The following CEP85L variants were observed in gnomAD, a reference collection of about 807,000 sequenced individuals.
CEP85L encodes centrosomal protein of 85 kDa-like.
Under a neutral mutation model 100.3 loss-of-function variants are expected in CEP85L, and 60 were observed. The ratio of observed to expected loss-of-function variants is 0.60; its 90% CI spans 0.49 to 0.74. The LOEUF (loss-of-function observed/expected upper bound fraction) is 0.74, where lower values mean the gene tolerates loss of function less well. Among genes scored for constraint, CEP85L ranks in the 30% least tolerant of loss-of-function variants. CEP85L has a pLI of 0.00. For missense variants in CEP85L, 973 were observed against 936.2 expected (o/e 1.04, Z -0.51); for synonymous variants, 319 against 322.7 (o/e 0.99, Z 0.12).
At chr6:118,664,780 C>T (rs1294451239) in intron 1 of CEP85L, among the ~76,000 whole-genome samples, 1 of 152,046 alleles carries the variant, frequency 6.6e-6, no homozygotes, top group Non-Finnish European at 1.5e-5. Flanking sequence ...GCAGTGACCA[C>T]ATCTTGGGAA....
At chr6:118,536,069 G>T (rs1358675268) in intron 3 of CEP85L, among the ~76,000 whole-genome samples, 1 of 152,082 alleles carries the variant, frequency 6.6e-6, no homozygotes, top group East Asian at 1.9e-4. Flanking sequence ...GAAGCAAAAA[G>T]AACTTATCAT....
chr6:118,628,558 G>A (rs1487965238), intron 2 of CEP85L, among the ~76,000 whole-genome samples: 1 of 150,610 alleles, frequency 6.6e-6, no homozygotes. Context: ...AAAAAAAGGA[G>A]AAGAAGGCAG....
At chr6:118,562,755 C>A (rs1310797309) in intron 3 of CEP85L, among the ~76,000 whole-genome samples, 2 of 152,040 alleles carry the variant, frequency 1.3e-5, no homozygotes, top group East Asian at 1.9e-4. Context: ...TAAATAGGCA[C>A]AAAATTTCAT....
At chr6:118,700,353 T>G (rs1011046948) in intron 1 of CEP85L, among the ~76,000 whole-genome samples, 1 of 152,260 alleles carries the variant, frequency 6.6e-6, no homozygotes, top group Admixed American at 6.5e-5. Flanking sequence ...TTCCTGTTCA[T>G]TTGGAATGAA....
At chr6:118,542,513 T>G (rs974419933) in intron 3 of CEP85L, among the ~76,000 whole-genome samples, 3 of 152,132 alleles carry the variant, frequency 2.0e-5, no homozygotes, top group Admixed American at 6.6e-5. Context: ...ATCAGAACAT[T>G]TGGGCTTCAA....
At chr6:118,524,226 C>A (rs998221953) in intron 3 of CEP85L, among the ~76,000 whole-genome samples, 13 of 151,986 alleles carry the variant, frequency 8.6e-5, no homozygotes, top group African/African-American at 3.1e-4. Flanking sequence ...TTTGGGAGGC[C>A]GAGGTCAGGA....
At position 118,565,487 on chromosome 6, in the gene CEP85L, A is replaced by G. The variant is rs776988288; in HGVS notation, c.1020+42T>C. On this transcript the variant is annotated intron_variant, in intron 3 of 12. Coordinates refer to ENST00000368491, the MANE Select transcript of CEP85L (RefSeq NM_001042475.3). ...CTGTAAGTGTGCTACTGTACTCATA[A>G]CATCCACTGGAGGGAAGCAAACACT... The G allele has an allele frequency of 1.3e-6, 2 of 1,576,310 alleles. 1 individual carries two copies. Among genetic ancestry groups the G allele is most frequent in the South Asian group, 2.2e-5 (2 of 89,080 alleles).
At chr6:118,619,060 C>T (rs1047969287) in intron 2 of CEP85L, among the ~76,000 whole-genome samples, 3 of 151,496 alleles carry the variant, frequency 2.0e-5, no homozygotes, top group African/African-American at 7.4e-5. Context: ...CGATCATGCG[C>T]TCCGAGCACA....
chr6:118,680,012 A>G (rs2115444971), intron 1 of CEP85L, among the ~76,000 whole-genome samples: 1 of 152,062 alleles, frequency 6.6e-6, no homozygotes, highest in Admixed American at 6.5e-5. Context: ...ATGGCAGGGT[A>G]CAGTGTCTCA....
chr6:118,643,396 A>G (rs970589565), intron 1 of CEP85L, among the ~76,000 whole-genome samples: 7 of 152,232 alleles, frequency 4.6e-5, no homozygotes, highest in African/African-American at 1.7e-4. Flanking sequence ...AAAATGCTAA[A>G]CTACATGAAA....
intron 2 of CEP85L, among the ~76,000 whole-genome samples, chr6:118,587,066 C>T (rs1780903610): frequency 6.6e-6 from 1 of 152,176 alleles, no homozygotes; most frequent in Non-Finnish European, 1.5e-5. Flanking sequence ...ACAATATCTG[C>T]CATGGCCCAT....
chr6:118,684,780 CA>C (rs1466703403), intron 1 of CEP85L, among the ~76,000 whole-genome samples: 2 of 152,110 alleles, frequency 1.3e-5, no homozygotes, highest in African/African-American at 4.8e-5. Context: ...TTTTGATCTG[CA>C]GTCCTGGTTG....
chr6:118,646,044 C>A (rs946357810), intron 1 of CEP85L, among the ~76,000 whole-genome samples: 1 of 152,088 alleles, frequency 6.6e-6, no homozygotes, highest in Admixed American at 6.6e-5. Context: ...CTGTGAAATC[C>A]TGTCTCTACT....
At chr6:118,506,976 T>C (rs1394301261) in intron 5 of CEP85L, among the ~76,000 whole-genome samples, 1 of 152,052 alleles carries the variant, frequency 6.6e-6, no homozygotes, top group Admixed American at 6.6e-5. Context: ...TAGTTCTGGA[T>C]CCCATTTTCC....
At chr6:118,528,843 A>G (rs1429889240) in intron 3 of CEP85L, among the ~76,000 whole-genome samples, 1 of 152,198 alleles carries the variant, frequency 6.6e-6, no homozygotes, top group Non-Finnish European at 1.5e-5. Context: ...TCATATTGTG[A>G]AGTCTCAAAC....
At chr6:118,635,643 C>A (rs1052324978) in intron 1 of CEP85L, among the ~76,000 whole-genome samples, 1 of 152,154 alleles carries the variant, frequency 6.6e-6, no homozygotes, top group Non-Finnish European at 1.5e-5. Context: ...TTCCTAGTAA[C>A]AATTTTTACA....
At chr6:118,689,793 A>T (rs1007744044) in intron 1 of CEP85L, among the ~76,000 whole-genome samples, 3 of 152,110 alleles carry the variant, frequency 2.0e-5, no homozygotes, top group Non-Finnish European at 4.4e-5. Flanking sequence ...TGCAATAGTG[A>T]TGCATTCTTG....
Position 118,481,911 on chromosome 6 carries a change from T to G in CEP85L, c.1613A>C (p.Asn538Thr). The change falls in exon 8 of 13, where the codon AAT becomes ACT. Residue 538 changes from asparagine to threonine, a missense_variant. Physicochemically the swap from Asn to Thr is moderately conservative, Grantham distance 65. Transcript: ENST00000368491. ...TATCAAAGCCTCTTGTAAATTCTTATTTTTTTCTTCCAGAATCTGCAGCTA... is the reference window on the plus strand; with the variant it reads ...TATCAAAGCCTCTTGTAAATTCTTAGTTTTTTCTTCCAGAATCTGCAGCTA... ...SLQLQILEEK[N>T]KNLQEALIDT... is the part of the protein sequence containing the mutation. 6.4e-7 allele frequency: 1 copy of G among 1,564,026 alleles called. No individual in the cohort carries two copies. The highest frequency in any genetic ancestry group is 8.7e-7 in the Non-Finnish European group (1 of 1,155,536).
intron 1 of CEP85L, among the ~76,000 whole-genome samples, chr6:118,708,137 T>C (rs1777662936): frequency 6.6e-6 from 1 of 152,234 alleles, no homozygotes; most frequent in Non-Finnish European, 1.5e-5. Flanking sequence ...TATTCATTTC[T>C]TCCTGCAAAT....
Sources: allele counts gnomAD v4.1 joint callset (sites outside exome capture counted in the v4.1 genomes callset), GRCh38; gene constraint gnomAD v4.1.1; transcripts MANE v1.5; gene names NCBI Gene and HGNC (gene_info 2026-07-23, HGNC 2026-07-21).